The following DCLK2 variants were observed in gnomAD, a reference collection of about 807,000 sequenced individuals.
The protein encoded by DCLK2 is serine/threonine-protein kinase DCLK2.
In DCLK2, 31 loss-of-function variants were observed where a neutral mutation model predicts 78.4. That is an observed-to-expected ratio of 0.40 (90% CI 0.30 to 0.53). The LOEUF is 0.53. DCLK2 is among the 20% of genes least tolerant of loss of function. The pLI, the probability that DCLK2 is intolerant of heterozygous loss-of-function variation, is 0.61. For synonymous variants in DCLK2, 407 were observed against 374.9 expected, an observed-to-expected ratio of 1.09 and a Z score of -0.99; for missense variants, 872 against 973.7, an observed-to-expected ratio of 0.90 and a Z score of 1.39.
intron 5 of DCLK2, among the ~76,000 whole-genome samples, chr4:150,214,417 T>C (rs1171617780): frequency 1.3e-5 from 2 of 152,254 alleles, no homozygotes; most frequent in African/African-American, 4.8e-5. Context: ...TGTTCTGTTT[T>C]AGAGTTTAAA....
intron 2 of DCLK2, among the ~76,000 whole-genome samples, chr4:150,145,716 G>A (rs1734423814): frequency 6.6e-6 from 1 of 152,134 alleles, no homozygotes; most frequent in Non-Finnish European, 1.5e-5. Context: ...TTGATTGATA[G>A]CAACGTAACT....
intron 2 of DCLK2, among the ~76,000 whole-genome samples, chr4:150,103,578 TTA>T (rs1033704549): frequency 1.5e-5 from 2 of 137,132 alleles, no homozygotes; most frequent in Non-Finnish European, 3.3e-5. Context: ...TGTATTAAAA[TTA>T]TAGTTTCCAA....
At chr4:150,189,782 G>GA (rs1464511830) in intron 2 of DCLK2, among the ~76,000 whole-genome samples, 1 of 151,892 alleles carries the variant, frequency 6.6e-6, no homozygotes, top group Non-Finnish European at 1.5e-5. Context: ...AGCCCATGCA[G>GA]AGCCACAGTT....
At chr4:150,222,217 A>C (rs1396277595) in intron 7 of DCLK2, among the ~76,000 whole-genome samples, 1 of 152,050 alleles carries the variant, frequency 6.6e-6, no homozygotes, top group Non-Finnish European at 1.5e-5. Flanking sequence ...GGCCTACTGA[A>C]GTGCTGGAAT....
intron 4 of DCLK2, chr4:150,198,959 C>A: frequency 1.0e-6 from 1 of 1,001,914 alleles, no homozygotes; most frequent in Non-Finnish European, 1.4e-6. Flanking sequence ...CTTTTGAACG[C>A]ACATTTAGAG....
intron 8 of DCLK2, among the ~76,000 whole-genome samples, chr4:150,228,721 A>G (rs373236126): frequency 2.8e-4 from 43 of 152,340 alleles, no homozygotes; most frequent in African/African-American, 9.9e-4. Flanking sequence ...AGATAAAGAA[A>G]GTTCCAGATA....
At chr4:150,199,507 G>C (rs1739307880) in intron 4 of DCLK2, among the ~76,000 whole-genome samples, 1 of 152,112 alleles carries the variant, frequency 6.6e-6, no homozygotes, top group Non-Finnish European at 1.5e-5. Flanking sequence ...AGAATTATTA[G>C]TACTTCATAA....
At chr4:150,210,711 GCCGAGGTGGGTGGATCA>G (rs1740234193) in intron 5 of DCLK2, among the ~76,000 whole-genome samples, 1 of 152,122 alleles carries the variant, frequency 6.6e-6, no homozygotes, top group Non-Finnish European at 1.5e-5. Context: ...ACTTTGGGAG[GCCGAGGTGGGTGGATCA>G]CCTGAGGTCA....
chr4:150,130,385 C>T (rs1733222687), intron 2 of DCLK2, among the ~76,000 whole-genome samples: 1 of 152,060 alleles, frequency 6.6e-6, no homozygotes, highest in South Asian at 2.1e-4. Flanking sequence ...GCAAACAGGG[C>T]TAGAACTGGG....
At chr4:150,124,456 A>G (rs1732784894) in intron 2 of DCLK2, among the ~76,000 whole-genome samples, 1 of 152,204 alleles carries the variant, frequency 6.6e-6, no homozygotes, top group Non-Finnish European at 1.5e-5. Flanking sequence ...TTAAAATGCC[A>G]TTTTAAGAAT....
chr4:150,093,278 A>C (rs1012675849), intron 1 of DCLK2, among the ~76,000 whole-genome samples: 14 of 152,250 alleles, frequency 9.2e-5, no homozygotes, highest in Admixed American at 2.6e-4. Context: ...AAATACATGG[A>C]TAGACATCCT....
At chr4:150,108,892 A>G (rs574902176) in intron 2 of DCLK2, among the ~76,000 whole-genome samples, 25 of 152,286 alleles carry the variant, frequency 1.6e-4, no homozygotes, top group African/African-American at 6.0e-4. Context: ...CTTGCAGTTG[A>G]TGCTTTAGGG....
chr4:150,201,072 C>T (rs766892221), intron 4 of DCLK2, among the ~76,000 whole-genome samples: 24 of 152,208 alleles, frequency 1.6e-4, no homozygotes, highest in Admixed American at 1.6e-3. Context: ...CCCGCCTCAG[C>T]CTCCCAAAGT....
chr4:150,084,835 G>A (rs1191755413), intron 1 of DCLK2, among the ~76,000 whole-genome samples: 1 of 152,136 alleles, frequency 6.6e-6, no homozygotes, highest in Non-Finnish European at 1.5e-5. Context: ...CGCCTGGCTA[G>A]GTCTTTTTTC....
intron 2 of DCLK2, among the ~76,000 whole-genome samples, chr4:150,105,679 A>G (rs1731203550): frequency 6.6e-6 from 1 of 152,122 alleles, no homozygotes; most frequent in Admixed American, 6.5e-5. Context: ...TCATCCCAGC[A>G]TAAAAGCAAA....
chr4:150,255,945 G>A (rs759283052), intron 15 of DCLK2, 75 bp from the exon 16 acceptor site: 2 of 1,560,346 alleles, frequency 1.3e-6, no homozygotes, highest in East Asian at 2.3e-5. Flanking sequence ...ATGCTCTGTT[G>A]TGCTCTCTGC....
chr4:150,201,807 AAAAAAAAGG>A (rs1346297661), intron 4 of DCLK2, among the ~76,000 whole-genome samples: 1 of 151,956 alleles, frequency 6.6e-6, no homozygotes, highest in East Asian at 1.9e-4. Flanking sequence ...AAAATACCAA[AAAAAAAAGG>A]AAAAAAAGGA....
chr4:150,096,384 G>A (rs756930257), intron 1 of DCLK2, among the ~76,000 whole-genome samples: 1 of 152,178 alleles, frequency 6.6e-6, no homozygotes, highest in Non-Finnish European at 1.5e-5. Flanking sequence ...ATCTAGAGAG[G>A]GATATTCTGT....
chr4:150,137,662 A>G (rs1274679847), intron 2 of DCLK2, among the ~76,000 whole-genome samples: 3 of 152,184 alleles, frequency 2.0e-5, no homozygotes, highest in Non-Finnish European at 4.4e-5. Flanking sequence ...CCCAATAGAA[A>G]GGATTAGTAA....
Sources: gnomAD v4.1 joint callset for allele counts (sites outside exome capture counted in the v4.1 genomes callset) on GRCh38, gnomAD v4.1.1 for gene constraint, MANE v1.5 for transcripts, NCBI Gene and HGNC (gene_info 2026-07-23, HGNC 2026-07-21) for gene names.